Variants in LMNB1 observed in about 807,000 individuals in gnomAD.
LMNB1 encodes the protein lamin-B1.
Under a neutral mutation model 67.1 loss-of-function variants are expected in LMNB1, and 23 were observed. The observed-to-expected ratio is 0.34, with a 90% CI of 0.25 to 0.49. LMNB1 has a LOEUF of 0.49. Among genes scored for constraint, LMNB1 ranks in the 20% least tolerant of loss-of-function variants. The pLI, the probability that LMNB1 is intolerant of heterozygous loss-of-function variation, is 0.99. For missense variants in LMNB1, 634 were observed against 746.5 expected (o/e 0.85, Z 1.76); for synonymous variants, 281 against 282.9 (o/e 0.99, Z 0.07).
chr5:126,818,560 A>G (rs1002843630), intron 5 of LMNB1, among the ~76,000 whole-genome samples: 1 of 152,164 alleles, frequency 6.6e-6, no homozygotes, highest in African/African-American at 2.4e-5. Flanking sequence ...TATCTTTTTA[A>G]GTTCTTTATT....
At chr5:126,798,760 GAA>G (rs1751179160) in intron 1 of LMNB1, among the ~76,000 whole-genome samples, 1 of 93,792 alleles carries the variant, frequency 1.1e-5, no homozygotes, top group African/African-American at 4.4e-5. Context: ...TGAAAAAAGA[GAA>G]GTGTGTGTGT....
chr5:126,824,990 C>A (rs1324056558), intron 8 of LMNB1, among the ~76,000 whole-genome samples: 1 of 152,084 alleles, frequency 6.6e-6, no homozygotes, highest in African/African-American at 2.4e-5. Flanking sequence ...ACCTGGCCCC[C>A]ATTTTGAAAT....
intron 1 of LMNB1, among the ~76,000 whole-genome samples, chr5:126,791,443 C>G (rs1037432313): frequency 6.6e-6 from 1 of 151,936 alleles, no homozygotes; most frequent in Non-Finnish European, 1.5e-5. Flanking sequence ...TTTTAAATTT[C>G]TAATAGCTTC....
intron 5 of LMNB1, among the ~76,000 whole-genome samples, chr5:126,812,542 T>C (rs914125223): frequency 6.6e-6 from 1 of 152,174 alleles, no homozygotes; most frequent in Non-Finnish European, 1.5e-5. Context: ...AGATCAGTTT[T>C]AGCCTAGGGT....
At chr5:126,791,332 A>C (rs1383239261) in intron 1 of LMNB1, among the ~76,000 whole-genome samples, 2 of 152,010 alleles carry the variant, frequency 1.3e-5, no homozygotes, top group African/African-American at 4.8e-5. Flanking sequence ...CAAATGTTGG[A>C]TCTCTTACAT....
chr5:126,777,660 G>A lies in LMNB1; in HGVS notation c.152G>A (p.Arg51His). 2 of 1,544,542 alleles carry A rather than the reference G, an allele frequency of 1.3e-6. No homozygotes were observed. The highest frequency in any genetic ancestry group is 1.7e-6 in the Non-Finnish European group (2 of 1,144,710). The change falls in exon 1 of 11, where the codon CGC (arginine) becomes CAC (histidine). Residue 51 changes from arginine to histidine, a missense_variant. Arg to His is a conservative substitution (Grantham distance 29). Coordinates refer to ENST00000261366, the MANE Select transcript of LMNB1 (RefSeq NM_005573.4). ...CTGGCGGTGTACATCGACAAGGTGCGCAGCCTGGAGACGGAGAACAGCGCG... is the reference window on the plus strand; with the variant it reads ...CTGGCGGTGTACATCGACAAGGTGCACAGCCTGGAGACGGAGAACAGCGCG... ...DRLAVYIDKV[R>H]SLETENSALQ...
chr5:126,832,808 CTTTA>C lies in LMNB1; in HGVS notation c.1719+16_1719+19del, dbSNP rs770840685. On this transcript the variant is annotated splice_region_variant and intron_variant, in intron 10 of 10. Transcript: ENST00000261366. ...AGAACTTTTCCACCAGCAGGTATTA[CTTTA>C]TTTATTTAATATATTTATTTCAAAT... 6.5e-6 allele frequency: 10 copies of C among 1,529,924 alleles called. No homozygotes were observed. The South Asian group carries it at 7.1e-5, about 11-fold the overall frequency. 94.8% of individuals were successfully genotyped at this position (1,529,924 alleles called of 1,614,324 possible).
At chr5:126,822,756 C>A in intron 7 of LMNB1, 25 bp from the exon 8 acceptor site, 2 of 1,369,864 alleles carry the variant, frequency 1.5e-6, no homozygotes, top group Non-Finnish European at 2.1e-6. Context: ...GAAGTAACAC[C>A]CCTCACCCTC....
rs150513339 is a variant in LMNB1 at position 126,821,932 on chromosome 5, A to G, written c.1386+797A>G. 4.7e-3 allele frequency among the ~76,000 whole-genome samples: 711 copies of G among 152,142 alleles called. 7 individuals carry two copies. The highest frequency in any genetic ancestry group is 0.016 in the African/African-American group (683 of 41,504). The stretch of plus-strand genomic sequence containing the variant: ...CTATCTTGCATGTGGATGAATATGT[A>G]ATTTGGATGAGTGAAGGAGCACTAA... On this transcript the variant is annotated intron_variant, in intron 7 of 10. Transcript: ENST00000261366.
rs749187877 is a variant in LMNB1, at chr5:126,810,271, C to T, written c.734C>T (p.Ala245Val). 15 of 1,613,828 alleles carry T rather than the reference C, an allele frequency of 9.3e-6. No individual in the cohort carries two copies. Among genetic ancestry groups the T allele is most frequent in the Non-Finnish European group, 1.3e-5 (15 of 1,179,852 alleles). Residue 245 changes from alanine to valine, a missense_variant, in exon 4 of 11, where the codon GCC (alanine) becomes GTC (valine). Ala to Val is a moderately conservative substitution (Grantham distance 64). Transcript: ENST00000261366. ...QIEYEYKLAQ[A>V]LHEMREQHDA... ...GAGTATGAGTACAAGCTGGCGCAAGCCCTTCATGAGATGAGAGAGCAACAT... is the reference window on the plus strand; with the variant it reads ...GAGTATGAGTACAAGCTGGCGCAAGTCCTTCATGAGATGAGAGAGCAACAT...
chr5:126,800,951 C>CTACATATATATATA (rs1210732092), intron 1 of LMNB1, among the ~76,000 whole-genome samples: 25 of 47,314 alleles, frequency 5.3e-4, no homozygotes, highest in East Asian at 3.2e-3. Flanking sequence ...TGCAGCCAGA[C>CTACATATATATATA]TATATATATA....
rs114836578 is a variant in LMNB1, at chr5:126,808,898, C to T, written c.643-1282C>T. ...AATTATTATTTTTTTTTTTTTGAGA[C>T]GGAGTCCAGCTCAGCTGCCCAGGCT... On this transcript the variant is annotated intron_variant, in intron 3 of 10. Coordinates refer to ENST00000261366, the MANE Select transcript of LMNB1 (RefSeq NM_005573.4). 4.1e-3 allele frequency among the ~76,000 whole-genome samples: 618 copies of T among 150,028 alleles called. 4 individuals are homozygous for T. The highest frequency in any genetic ancestry group is 0.012 in the African/African-American group (490 of 40,848).
chr5:126,803,436 C>T (rs1319263304), intron 1 of LMNB1, among the ~76,000 whole-genome samples: 1 of 151,442 alleles, frequency 6.6e-6, no homozygotes, highest in East Asian at 2.0e-4. Context: ...TTAGTAGAGA[C>T]GGGGTTTCTC....
Position 126,810,353 on chromosome 5 carries a change from G to A in LMNB1, c.813+3G>A. 6.3e-7 allele frequency: 1 copy of A among 1,595,950 alleles called. No homozygotes were observed. Among genetic ancestry groups the A allele is most frequent in the South Asian group, 1.1e-5 (1 of 90,134 alleles). ...TGGAGCAGACTTACCATGCCAAAGTGAGCTCTCTTCAGAAGATTCTTTTGA... is the reference window on the plus strand; with the variant it reads ...TGGAGCAGACTTACCATGCCAAAGTAAGCTCTCTTCAGAAGATTCTTTTGA... On this transcript the variant is annotated splice_donor_region_variant and intron_variant, in intron 4 of 10. Coordinates refer to ENST00000261366, the MANE Select transcript of LMNB1 (RefSeq NM_005573.4).
chr5:126,810,843 T>C (rs952883676), intron 4 of LMNB1, among the ~76,000 whole-genome samples: 2 of 152,260 alleles, frequency 1.3e-5, no homozygotes, highest in African/African-American at 4.8e-5. Flanking sequence ...GTCACTATTA[T>C]TCACTTAAAA....
chr5:126,778,144 A>G (rs1181998520), intron 1 of LMNB1, among the ~76,000 whole-genome samples: 2 of 152,138 alleles, frequency 1.3e-5, no homozygotes, highest in African/African-American at 4.8e-5. Context: ...CGCGCCTGGG[A>G]CTGCCGAGAA....
chr5:126,811,647 G>C, intron 4 of LMNB1, 126 bp from the exon 5 acceptor site: 1 of 764,230 alleles, frequency 1.3e-6, no homozygotes, highest in Non-Finnish European at 2.1e-6. Flanking sequence ...ACTTCATGAT[G>C]CTTTTCCTGT....
intron 6 of LMNB1, among the ~76,000 whole-genome samples, chr5:126,819,419 A>G (rs1342772188): frequency 6.6e-6 from 1 of 151,964 alleles, no homozygotes; most frequent in Non-Finnish European, 1.5e-5. Flanking sequence ...GTGATTTAAT[A>G]TATTGTAAAA....
intron 1 of LMNB1, among the ~76,000 whole-genome samples, chr5:126,803,241 G>C (rs574759018): frequency 6.6e-6 from 1 of 151,384 alleles, no homozygotes; most frequent in East Asian, 2.0e-4. Flanking sequence ...ACCTCAGCTT[G>C]TTTTTTGTTT....
Sources: allele counts gnomAD v4.1 joint callset (sites outside exome capture counted in the v4.1 genomes callset), GRCh38; gene constraint gnomAD v4.1.1; transcripts MANE v1.5; gene names NCBI Gene and HGNC (gene_info 2026-07-23, HGNC 2026-07-21).